The following BTRC variants were observed in gnomAD, a reference collection of about 807,000 sequenced individuals.
BTRC encodes the protein beta-transducin repeat containing E3 ubiquitin protein ligase, also known as F-box/WD repeat-containing protein 1A.
BTRC carries 42 observed loss-of-function variants against 85.5 expected under a neutral mutation model. The ratio of observed to expected loss-of-function variants is 0.49; its 90% confidence interval spans 0.38 to 0.64. The LOEUF (loss-of-function observed/expected upper bound fraction) is 0.64. Ranked by LOEUF, BTRC falls within the 30% of genes least tolerant of loss-of-function variation. BTRC has a pLI of 0.00. For missense variants in BTRC, 594 were observed against 743.5 expected, an observed-to-expected ratio of 0.80 and a Z score of 2.34; for synonymous variants, 255 against 263.3, an observed-to-expected ratio of 0.97 and a Z score of 0.30.
At chr10:101,390,863 A>G (rs942498609) in intron 1 of BTRC, among the ~76,000 whole-genome samples, 1 of 152,196 alleles carries the variant, frequency 6.6e-6, no homozygotes, top group African/African-American at 2.4e-5. Context: ...AGCAGCTTCC[A>G]AACACTTTAA....
At chr10:101,377,575 T>C (rs1334896775) in intron 1 of BTRC, among the ~76,000 whole-genome samples, 1 of 152,220 alleles carries the variant, frequency 6.6e-6, no homozygotes, top group Non-Finnish European at 1.5e-5. Flanking sequence ...GCCATTCTAA[T>C]AGGTGTATAG....
At chr10:101,538,249 C>A (rs750291053) in intron 12 of BTRC, 44 bp from the exon 13 acceptor site, 179 of 1,494,262 alleles carry the variant, frequency 1.2e-4, no homozygotes, top group Non-Finnish European at 1.5e-4. Context: ...CCTTCTCTTA[C>A]ATTTGCTTTT....
intron 3 of BTRC, among the ~76,000 whole-genome samples, chr10:101,464,096 C>G (rs1945303009): frequency 6.6e-6 from 1 of 152,152 alleles, no homozygotes; most frequent in African/African-American, 2.4e-5. Flanking sequence ...AGTAGGAACA[C>G]TCTGCCCACT....
chr10:101,455,332 T>C (rs1945049177), intron 2 of BTRC, among the ~76,000 whole-genome samples: 1 of 152,008 alleles, frequency 6.6e-6, no homozygotes, highest in South Asian at 2.1e-4. Flanking sequence ...GAAAACATTT[T>C]AAAATTCACA....
rs780198232 is a variant in BTRC, at chr10:101,479,437, A to G, written c.304A>G (p.Thr102Ala). The G allele has an allele frequency of 6.2e-7, 1 of 1,613,064 alleles. No individual in the cohort carries two copies. The highest frequency in any genetic ancestry group is 8.5e-7 in the Non-Finnish European group (1 of 1,179,352). ...ATGTTTAGCAAGCACTGCTATGAAG[A>G]CTGAGAATTGTGTGGCCAAAGTAAG... Reference protein sequence around the residue: ...TVCLASTAMKTENCVAKTKLA... With the variant: ...TVCLASTAMKAENCVAKTKLA... The change falls in exon 4 of 15, where the codon ACT becomes GCT. Residue 102 changes from threonine (T) to alanine (A), a missense_variant. Around this residue, in one of 4 missense-constraint regions of BTRC, gnomAD observed 163 missense variants for 180.5 expected, o/e 0.90. Coordinates refer to ENST00000370187, the MANE Select transcript of BTRC (RefSeq NM_033637.4).
In BTRC at chr10:101,553,486, A is replaced by T. The variant is rs2062683158; in HGVS notation, c.*363A>T. 1 of 152,608 alleles carries T rather than the reference A, an allele frequency of 6.6e-6. No individual in the cohort carries two copies. The highest frequency in any genetic ancestry group is 1.5e-5 in the Non-Finnish European group (1 of 68,046). 9.5% of individuals were successfully genotyped at this position (152,608 alleles called of 1,614,324 possible). On this transcript the variant is annotated 3_prime_UTR_variant, in exon 15 of 15. Transcript: ENST00000370187. ...ATAAATATATTTAGTGTTTTGCCAG[A>T]ATCTCTCTTGCTTTGCCATTAAGCA... is the stretch of plus-strand genomic sequence containing the variant.
At chr10:101,357,035 A>G (rs1942054750) in intron 1 of BTRC, among the ~76,000 whole-genome samples, 2 of 151,974 alleles carry the variant, frequency 1.3e-5, no homozygotes, top group African/African-American at 2.4e-5. Context: ...AGGCTGAGGC[A>G]GGAGAATGGC....
chr10:101,464,136 CACA>C, intron 3 of BTRC, among the ~76,000 whole-genome samples: 1 of 152,264 alleles, frequency 6.6e-6, no homozygotes, highest in African/African-American at 2.4e-5. Flanking sequence ...AAAACAATGA[CACA>C]ACAAAAGTTT....
At chr10:101,458,987 A>G (rs991410509) in intron 2 of BTRC, among the ~76,000 whole-genome samples, 2 of 152,154 alleles carry the variant, frequency 1.3e-5, no homozygotes, top group Non-Finnish European at 2.9e-5. Flanking sequence ...GGTTTTTGAG[A>G]TGGTGTCTTG....
intron 1 of BTRC, among the ~76,000 whole-genome samples, chr10:101,422,656 G>A (rs1420499548): frequency 5.3e-5 from 8 of 152,318 alleles, no homozygotes; most frequent in East Asian, 3.9e-4. Context: ...TAAGGTGTAA[G>A]GAAGAGATCC....
At chr10:101,473,659 T>G (rs1348688677) in intron 3 of BTRC, among the ~76,000 whole-genome samples, 1 of 151,626 alleles carries the variant, frequency 6.6e-6, no homozygotes, top group Non-Finnish European at 1.5e-5. Context: ...TTGGTAGAGA[T>G]GGGGTTTCAC....
At chr10:101,492,821 A>G (rs1356195549) in intron 4 of BTRC, among the ~76,000 whole-genome samples, 4 of 152,134 alleles carry the variant, frequency 2.6e-5, no homozygotes, top group African/African-American at 9.7e-5. Flanking sequence ...AGTTTTGTGG[A>G]TATGGTATGC....
chr10:101,360,001 T>C (rs1461537910), intron 1 of BTRC, among the ~76,000 whole-genome samples: 2 of 152,252 alleles, frequency 1.3e-5, no homozygotes, highest in East Asian at 3.8e-4. Context: ...TGAGTAGTTT[T>C]AGAAATTATT....
intron 4 of BTRC, among the ~76,000 whole-genome samples, chr10:101,497,969 G>A (rs1041510057): frequency 1.3e-5 from 2 of 152,044 alleles, no homozygotes; most frequent in Non-Finnish European, 2.9e-5. Flanking sequence ...GCAGTGAGCC[G>A]TGATCGTTCC....
intron 2 of BTRC, among the ~76,000 whole-genome samples, chr10:101,440,203 C>G (rs1944644195): frequency 6.6e-6 from 1 of 151,508 alleles, no homozygotes; most frequent in Admixed American, 6.6e-5. Context: ...AATGAGTTTT[C>G]TATTATGTTT....
intron 13 of BTRC, among the ~76,000 whole-genome samples, chr10:101,547,887 G>T (rs2062583922): frequency 6.6e-6 from 1 of 152,020 alleles, no homozygotes; most frequent in South Asian, 2.1e-4. Context: ...CACATCAGGG[G>T]GCTATAGAAG....
At chr10:101,467,886 T>C (rs1050833560) in intron 3 of BTRC, among the ~76,000 whole-genome samples, 4 of 152,208 alleles carry the variant, frequency 2.6e-5, no homozygotes, top group African/African-American at 9.6e-5. Context: ...TAAATTGTAC[T>C]TATTTTAAAT....
Position 101,554,637 on chromosome 10 carries a change from TG to T in BTRC, c.*1515del, listed in dbSNP as rs2062702913. The T allele has an allele frequency of 6.6e-6, 1 of 152,618 alleles. No individual in the cohort carries two copies. The highest frequency in any genetic ancestry group is 1.5e-5 in the Non-Finnish European group (1 of 68,040). 9.5% of individuals were successfully genotyped at this position (152,618 alleles called of 1,614,324 possible). A position where few individuals can be genotyped will look rare whatever the true frequency, so the allele number is the denominator to read the frequency against. Reference sequence around the variant, plus strand: ...TTTCTTCCTCCTCCTGACCTTATTTTGCTCTTCACTCTCCCCAGCCAATAAA... The same window carrying T: ...TTTCTTCCTCCTCCTGACCTTATTTTCTCTTCACTCTCCCCAGCCAATAAA... On this transcript the variant is annotated 3_prime_UTR_variant, in exon 15 of 15. Transcript: ENST00000370187.
chr10:101,510,945 T>G (rs756321952), intron 4 of BTRC, among the ~76,000 whole-genome samples: 1 of 152,214 alleles, frequency 6.6e-6, no homozygotes, highest in Non-Finnish European at 1.5e-5. Flanking sequence ...TAATTGATCT[T>G]TCTTCCTCTG....
Sources: gnomAD v4.1 joint callset for allele counts (sites outside exome capture counted in the v4.1 genomes callset) on GRCh38, gnomAD v4.1.1 for gene constraint, gnomAD v4.1.1 regional missense constraint, MANE v1.5 for transcripts, NCBI Gene and HGNC (gene_info 2026-07-23, HGNC 2026-07-21) for gene names.